The following MACC1 variants were observed in gnomAD, a reference collection of about 807,000 sequenced individuals.
MACC1 encodes MET transcriptional regulator MACC1, also known as metastasis-associated in colon cancer protein 1.
In MACC1, 79 loss-of-function variants were observed where a neutral mutation model predicts 70.7. The ratio of observed to expected loss-of-function variants is 1.12; its 90% CI spans 0.93 to 1.35. MACC1 has a LOEUF of 1.35. Among genes scored for constraint, MACC1 ranks in the 40% most tolerant of loss-of-function variants. The probability of loss-of-function intolerance (pLI) is 0.00; values close to 1 mark genes in which losing one functional copy is unlikely to be tolerated. For missense variants in MACC1, 1,106 were observed against 978.1 expected (o/e 1.13, Z -1.74); for synonymous variants, 361 against 347.2 (o/e 1.04, Z -0.44).
At chr7:20,166,699 A>T (rs183369541) in intron 2 of MACC1, among the ~76,000 whole-genome samples, 3 of 152,328 alleles carry the variant, frequency 2.0e-5, no homozygotes, top group Admixed American at 2.0e-4. Context: ...GCGGTATTAG[A>T]AATCCATAAT....
Position 20,159,936 on chromosome 7 carries a change from T to C in MACC1, c.425A>G (p.Glu142Gly). Residue 142 changes from glutamate (E) to glycine (G), a missense_variant, in exon 5 of 7, where the codon GAA becomes GGA. Transcript: ENST00000400331. ...RNSGRSKSVSELLDILDDTAH... is the reference protein window; with the variant it reads ...RNSGRSKSVSGLLDILDDTAH... ...TGTGTCGTCTAAAATGTCCAGAAGT[T>C]CTGAAACACTTTTAGATCTTCCAGA... The C allele has an allele frequency of 6.2e-7, 1 of 1,614,158 alleles. No individual in the cohort carries two copies. Among genetic ancestry groups the C allele is most frequent in the Admixed American group, 1.7e-5 (1 of 59,992 alleles).
At chr7:20,216,581 G>T (rs1464546275) in intron 1 of MACC1, among the ~76,000 whole-genome samples, 1 of 151,932 alleles carries the variant, frequency 6.6e-6, no homozygotes, top group Non-Finnish European at 1.5e-5. Context: ...AGATACCTCA[G>T]GTAAGTTGAA....
At chr7:20,160,308 G>T in intron 4 of MACC1, 63 bp from the exon 5 acceptor site, 2 of 1,464,670 alleles carry the variant, frequency 1.4e-6, no homozygotes, top group South Asian at 3.1e-5. Context: ...TTACAATCAA[G>T]ATTAATTTTT....
At position 20,139,825 on chromosome 7, in the gene MACC1, T is replaced by TACACACACACACACACAC. The variant is rs72161770; in HGVS notation, c.*1103_*1120dup. 1 of 146,042 alleles carries TACACACACACACACACAC rather than the reference T, an allele frequency of 6.8e-6. No homozygotes were observed. The highest frequency in any genetic ancestry group is 1.5e-5 in the Non-Finnish European group (1 of 66,100). The allele number at this position is 146,042 out of a possible 1,614,324, so 9.0% of individuals were successfully genotyped here. ...GGCTGTGCTTTATAAAACACTGTGG[T>TACACACACACACACACAC]ACACACACACACACACACACACACA... On this transcript the variant is annotated 3_prime_UTR_variant, in exon 7 of 7. Transcript: ENST00000400331.
chr7:20,141,029 T>G lies in MACC1; in HGVS notation c.2476A>C (p.Arg826=), dbSNP rs1421358448. ...AGTATTAAAACTCCAGTTAATTCTC[T>G]CCAGTGTTTAGTCACAGGGTTTTTC... ...RMKNPVTKHW[R]ELTGVLILVN... Residue 826 remains arginine (R), a synonymous_variant, in exon 7 of 7, where the codon AGA becomes CGA. Transcript: ENST00000400331. 1 of 1,613,988 alleles carries G rather than the reference T, an allele frequency of 6.2e-7. No individual in the cohort carries two copies. Among genetic ancestry groups the G allele is most frequent in the Admixed American group, 1.7e-5 (1 of 60,002 alleles).
chr7:20,182,467 A>G (rs80284919), intron 1 of MACC1, among the ~76,000 whole-genome samples: 1,970 of 152,198 alleles, frequency 0.013, 39 homozygotes, highest in African/African-American at 0.045. Context: ...CCTGATTCCT[A>G]TTTGCTGTTC....
intron 1 of MACC1, among the ~76,000 whole-genome samples, chr7:20,186,024 C>G (rs1319226108): frequency 7.0e-6 from 1 of 142,076 alleles, no homozygotes; most frequent in Non-Finnish European, 1.5e-5. Flanking sequence ...TGTCCTTGGA[C>G]CCTAATGTAG....
At chr7:20,161,622 G>T in intron 4 of MACC1, 126 bp downstream of exon 4, 1 of 588,672 alleles carries the variant, frequency 1.7e-6, no homozygotes, top group South Asian at 2.4e-5. Context: ...CTATTTCTAT[G>T]ATAAAAACAA....
At chr7:20,162,667 CAG>C (rs923319062) in intron 3 of MACC1, among the ~76,000 whole-genome samples, 205 of 152,180 alleles carry the variant, frequency 1.3e-3, no homozygotes, top group African/African-American at 4.8e-3. Flanking sequence ...GGTGGCCAAA[CAG>C]AGTGGTGTGG....
chr7:20,178,092 T>C (rs1409864937), intron 1 of MACC1, among the ~76,000 whole-genome samples: 3 of 152,194 alleles, frequency 2.0e-5, no homozygotes, highest in African/African-American at 4.8e-5. Flanking sequence ...ACACATTTTG[T>C]AGTAAGTTTT....
At chr7:20,213,870 T>C (rs577382177) in intron 1 of MACC1, among the ~76,000 whole-genome samples, 4 of 152,112 alleles carry the variant, frequency 2.6e-5, no homozygotes, top group African/African-American at 4.8e-5. Flanking sequence ...AGTTTACCTA[T>C]GTAACAAACC....
intron 1 of MACC1, among the ~76,000 whole-genome samples, chr7:20,178,194 A>T (rs2128105503): frequency 6.6e-6 from 1 of 152,280 alleles, no homozygotes; most frequent in South Asian, 2.1e-4. Context: ...ACAAAAAATG[A>T]TCATAAAAAT....
chr7:20,204,799 C>G (rs1239735004), intron 1 of MACC1, among the ~76,000 whole-genome samples: 2 of 152,178 alleles, frequency 1.3e-5, no homozygotes, highest in Non-Finnish European at 2.9e-5. Flanking sequence ...ACCACCACAT[C>G]TTAAAGATGA....
chr7:20,154,392 A>C lies in MACC1; in HGVS notation c.2158-11T>G. 3.1e-6 allele frequency: 5 copies of C among 1,608,320 alleles called. No homozygotes were observed. Among genetic ancestry groups the C allele is most frequent in the Non-Finnish European group, 4.2e-6 (5 of 1,176,726 alleles). On this transcript the variant is annotated splice_polypyrimidine_tract_variant and intron_variant, in intron 5 of 6. Coordinates refer to ENST00000400331, the MANE Select transcript of MACC1 (RefSeq NM_182762.4). ...CATTTTCAGAAGAGCCTGCAGCAACAATTACATGTCACAATTAAAAGCAAC... is the reference window on the plus strand; with the variant it reads ...CATTTTCAGAAGAGCCTGCAGCAACCATTACATGTCACAATTAAAAGCAAC...
rs1295291326 is a variant in MACC1 at position 20,159,556 on chromosome 7, C to G, written c.805G>C (p.Val269Leu). The G allele has an allele frequency of 1.4e-5, 23 of 1,614,020 alleles. No individual in the cohort carries two copies. Among genetic ancestry groups the G allele is most frequent in the African/African-American group, 5.3e-5 (4 of 74,930 alleles). The change falls in exon 5 of 7, where the codon GTG becomes CTG. Residue 269 changes from valine to leucine, a missense_variant. Coordinates refer to ENST00000400331, the MANE Select transcript of MACC1 (RefSeq NM_182762.4). The stretch of plus-strand genomic sequence containing the variant: ...AACATGATTTCCAACAACGGGCTCA[C>G]AGTGCACGAAAGATCATGGTTAAGC... The part of the protein sequence containing the change: ...HMLNHDLSCT[V>L]SPLLEIMLGN...
At position 20,139,411 on chromosome 7, in the gene MACC1, A is replaced by G. The variant is rs952603223; in HGVS notation, c.*1535T>C. ...ATTTCCCTGACCCACCCCCACTTCC[A>G]GTTTCACATGATGGCATCTCTACGT... On this transcript the variant is annotated 3_prime_UTR_variant, in exon 7 of 7. Coordinates refer to ENST00000400331, the MANE Select transcript of MACC1 (RefSeq NM_182762.4). 1.3e-5 allele frequency: 2 copies of G among 151,332 alleles called. No individual in the cohort carries two copies. Among genetic ancestry groups the G allele is most frequent in the African/African-American group, 4.9e-5 (2 of 41,182 alleles). 9.4% of individuals were successfully genotyped at this position (151,332 alleles called of 1,614,324 possible).
chr7:20,206,104 C>A (rs1373944145), intron 1 of MACC1, among the ~76,000 whole-genome samples: 4 of 151,644 alleles, frequency 2.6e-5, no homozygotes, highest in Non-Finnish European at 5.9e-5. Context: ...AAATCCACTA[C>A]CCAGGCCCCT....
chr7:20,208,926 G>T (rs941855139), intron 1 of MACC1, among the ~76,000 whole-genome samples: 5 of 152,204 alleles, frequency 3.3e-5, no homozygotes, highest in African/African-American at 1.2e-4. Flanking sequence ...GGCTAAAAGG[G>T]ATCAAGGTAC....
intron 1 of MACC1, among the ~76,000 whole-genome samples, chr7:20,211,446 G>C (rs17454934): frequency 0.07 from 10,605 of 152,170 alleles, 473 homozygotes; most frequent in Middle Eastern, 0.11. Context: ...CTGTGGAAAA[G>C]TCAGTCAATC....
Sources: allele counts gnomAD v4.1 joint callset (sites outside exome capture counted in the v4.1 genomes callset), GRCh38; gene constraint gnomAD v4.1.1; transcripts MANE v1.5; gene names NCBI Gene and HGNC (gene_info 2026-07-23, HGNC 2026-07-21).